Variants in OR56A1 observed in about 807,000 individuals in gnomAD.
OR56A1 encodes olfactory receptor family 56 subfamily A member 1, also known as olfactory receptor 56A1.
For synonymous variants in OR56A1, 174 were observed against 159.1 expected (o/e 1.09, Z -0.70); for missense variants, 360 against 380.9 (o/e 0.94, Z 0.46).
rs150942884 is a variant in OR56A1 at position 6,027,320 on chromosome 11, G to C, written c.373C>G (p.Arg125Gly). Reference sequence around the variant, plus strand: ...AGTGGGTGGCAGATGGCCACATAACGGTCATAGGCCATGACCATAAACGTG... The same window carrying C: ...AGTGGGTGGCAGATGGCCACATAACCGTCATAGGCCATGACCATAAACGTG... ...SCTFMVMAYD[R>G]YVAICHPLRY... Residue 125 changes from arginine to glycine, a missense_variant, in exon 2 of 2, where the codon CGT (arginine) becomes GGT (glycine). Physicochemically the swap from Arg to Gly is moderately radical, Grantham distance 125. Coordinates refer to ENST00000641900, the MANE Select transcript of OR56A1 (RefSeq NM_001388488.1). 6.2e-7 allele frequency: 1 copy of C among 1,614,220 alleles called. No individual in the cohort carries two copies. Among genetic ancestry groups the C allele is most frequent in the South Asian group, 1.1e-5 (1 of 91,082 alleles).
Position 6,026,786 on chromosome 11 carries a change from T to G in OR56A1, c.907A>C (p.Lys303Gln). 1 of 1,609,864 alleles carries G rather than the reference T, an allele frequency of 6.2e-7. No homozygotes were observed. The highest frequency in any genetic ancestry group is 8.5e-7 in the Non-Finnish European group (1 of 1,178,062). ...TGCAGTAACTTCTGAATTCCCTGTT[T>G]TATCTCTTTGGTCCGAACCCCATAC... ...IVYGVRTKEI[K>Q]QGIQKLLQRG... is the part of the protein sequence containing the mutation. The change falls in exon 2 of 2, where the codon AAA becomes CAA. Residue 303 changes from lysine to glutamine, a missense_variant. Coordinates refer to ENST00000641900, the MANE Select transcript of OR56A1 (RefSeq NM_001388488.1).
At chr11:6,031,038 A>T (rs957335074), upstream of OR56A1, among the ~76,000 whole-genome samples, 1 of 152,224 alleles carries the variant, frequency 6.6e-6, no homozygotes, top group Non-Finnish European at 1.5e-5. Flanking sequence ...AGAGGAAAAG[A>T]GAAGCTTTCC....
In OR56A1 at chr11:6,022,456, C is replaced by T. The variant is rs1848406729; in HGVS notation, c.*4292G>A. 6.6e-6 allele frequency: 1 copy of T among 152,092 alleles called. No individual in the cohort carries two copies. Among genetic ancestry groups the T allele is most frequent in the African/African-American group, 2.4e-5 (1 of 41,430 alleles). 9.4% of individuals were successfully genotyped at this position (152,092 alleles called of 1,614,324 possible). A position where few individuals can be genotyped will look rare whatever the true frequency, so the allele number is the denominator to read the frequency against. ...GTGCTATCATTGTTACAGTAGCTAA[C>T]TTTAATTGCATTGACTAATTCAATG... On this transcript the variant is annotated 3_prime_UTR_variant, in exon 2 of 2. Transcript: ENST00000641900.
Position 6,023,125 on chromosome 11 carries a change from T to G in OR56A1, c.*3623A>C, listed in dbSNP as rs1848413760. 2 of 152,204 alleles carry G rather than the reference T, an allele frequency of 1.3e-5. No homozygotes were observed. The highest frequency in any genetic ancestry group is 2.9e-5 in the Non-Finnish European group (2 of 68,036). The allele number at this position is 152,204 out of a possible 1,614,324, so 9.4% of individuals were successfully genotyped here. A position where few individuals can be genotyped will look rare whatever the true frequency, so the allele number is the denominator to read the frequency against. On this transcript the variant is annotated 3_prime_UTR_variant, in exon 2 of 2. Coordinates refer to ENST00000641900, the MANE Select transcript of OR56A1 (RefSeq NM_001388488.1). Reference sequence around the variant, plus strand: ...CTTTCAAACACCTGAGACTGAGAACTGGCATTCAATACAGTACCGTTATTC... The same window carrying G: ...CTTTCAAACACCTGAGACTGAGAACGGGCATTCAATACAGTACCGTTATTC...
Position 6,027,312 on chromosome 11 carries a change from C to A in OR56A1, c.381G>T (p.Val127=), listed in dbSNP as rs142504414. ...TFMVMAYDRY[V]AICHPLRYPS... ...GGTACCGCAGTGGGTGGCAGATGGC[C>A]ACATAACGGTCATAGGCCATGACCA... The change falls in exon 2 of 2, where the codon GTG becomes GTT. Residue 127 remains valine, a synonymous_variant. Coordinates refer to ENST00000641900, the MANE Select transcript of OR56A1 (RefSeq NM_001388488.1). The A allele has an allele frequency of 6.2e-7, 1 of 1,614,058 alleles. No homozygotes were observed. The highest frequency in any genetic ancestry group is 1.3e-5 in the African/African-American group (1 of 74,898).
At chr11:6,032,099 A>G (rs1025512935), upstream of OR56A1, among the ~76,000 whole-genome samples, 1 of 152,144 alleles carries the variant, frequency 6.6e-6, no homozygotes, top group Non-Finnish European at 1.5e-5. Context: ...TAACCTGGCC[A>G]AGAGAGATTC....
At chr11:6,032,079 G>T (rs1320160600), upstream of OR56A1, among the ~76,000 whole-genome samples, 1 of 152,116 alleles carries the variant, frequency 6.6e-6, no homozygotes, top group Non-Finnish European at 1.5e-5. Context: ...TAATAAGGGT[G>T]TGTCATTGGT....
In OR56A1 at chr11:6,025,897, A is replaced by C. The variant is rs565253446; in HGVS notation, c.*851T>G. 6.6e-6 allele frequency: 1 copy of C among 152,270 alleles called. No homozygotes were observed. Among genetic ancestry groups the C allele is most frequent in the South Asian group, 2.1e-4 (1 of 4,822 alleles). 9.4% of individuals were successfully genotyped at this position (152,270 alleles called of 1,614,324 possible). A position where few individuals can be genotyped will look rare whatever the true frequency, so the allele number is the denominator to read the frequency against. On this transcript the variant is annotated 3_prime_UTR_variant, in exon 2 of 2. Transcript: ENST00000641900. The stretch of plus-strand genomic sequence containing the variant: ...GTAAGGTTTTTTTTCACCTAACTGG[A>C]ACCATTATTATCCAGAAACCTGACA...
upstream of OR56A1, among the ~76,000 whole-genome samples, chr11:6,032,474 C>T (rs1017699666): frequency 1.6e-4 from 25 of 152,194 alleles, no homozygotes; most frequent in Admixed American, 1.4e-3. Flanking sequence ...CATTCTCTAA[C>T]ACCCCATAGA....
chr11:6,027,375 G>A lies in OR56A1; in HGVS notation c.318C>T (p.Ile106=). The A allele has an allele frequency of 1.2e-6, 2 of 1,614,200 alleles. No homozygotes were observed. The highest frequency in any genetic ancestry group is 8.5e-7 in the Non-Finnish European group (1 of 1,180,028). The change falls in exon 2 of 2, where the codon ATC becomes ATT. Residue 106 remains isoleucine (I), a synonymous_variant. Transcript: ENST00000641900. ...SFPACFLQMF[I]MNSFLPMESC... ...ACTCCATGGGGAGGAAACTGTTCAT[G>A]ATGAACATCTGGAGGAAGCAGGCAG...
chr11:6,027,377 T>G lies in OR56A1; in HGVS notation c.316A>C (p.Ile106Leu). ...TCCATGGGGAGGAAACTGTTCATGA[T>G]GAACATCTGGAGGAAGCAGGCAGGG... is the stretch of plus-strand genomic sequence containing the variant. ...SFPACFLQMF[I>L]MNSFLPMESC... The change falls in exon 2 of 2, where the codon ATC (isoleucine) becomes CTC (leucine). Residue 106 changes from isoleucine to leucine, a missense_variant. Coordinates refer to ENST00000641900, the MANE Select transcript of OR56A1 (RefSeq NM_001388488.1). 1 of 1,614,184 alleles carries G rather than the reference T, an allele frequency of 6.2e-7. No homozygotes were observed. The highest frequency in any genetic ancestry group is 8.5e-7 in the Non-Finnish European group (1 of 1,180,028).
rs1848409049 is a variant in OR56A1, at chr11:6,022,682, T to G, written c.*4066A>C. On this transcript the variant is annotated 3_prime_UTR_variant, in exon 2 of 2. Coordinates refer to ENST00000641900, the MANE Select transcript of OR56A1 (RefSeq NM_001388488.1). ...TCCCTATTGATTAAATGACTATGTA[T>G]AATTTATCATTTTGCTCAGTTGCCT... The G allele has an allele frequency of 6.6e-6, 1 of 152,174 alleles. No homozygotes were observed. Among genetic ancestry groups the G allele is most frequent in the East Asian group, 1.9e-4 (1 of 5,194 alleles). The allele number at this position is 152,174 out of a possible 1,614,324, so 9.4% of individuals were successfully genotyped here.
At position 6,022,270 on chromosome 11, in the gene OR56A1, A is replaced by C. The variant is rs1360441458; in HGVS notation, c.*4478T>G. 6.6e-6 allele frequency: 1 copy of C among 152,104 alleles called. No individual in the cohort carries two copies. The highest frequency in any genetic ancestry group is 2.4e-5 in the African/African-American group (1 of 41,438). The allele number at this position is 152,104 out of a possible 1,614,324, so 9.4% of individuals were successfully genotyped here. A position where few individuals can be genotyped will look rare whatever the true frequency, so the allele number is the denominator to read the frequency against. ...ATATTCTTTCTCTTTCTGGCTTGCC[A>C]CCCAGATTCAGAAGCACCAGTGAAG... is the stretch of plus-strand genomic sequence containing the variant. On this transcript the variant is annotated 3_prime_UTR_variant, in exon 2 of 2. Coordinates refer to ENST00000641900, the MANE Select transcript of OR56A1 (RefSeq NM_001388488.1).
At position 6,027,479 on chromosome 11, in the gene OR56A1, G is replaced by A; in HGVS notation, c.214C>T (p.Leu72=). 1.2e-6 allele frequency: 2 copies of A among 1,614,188 alleles called. No homozygotes were observed. The highest frequency in any genetic ancestry group is 1.7e-6 in the Non-Finnish European group (2 of 1,180,034). Reference sequence around the variant, plus strand: ...ACGGTGAGGCAGAGCACGATGTCCAGCAGGGAGAGGAGGCTGAGCAGGTAG... The same window carrying A: ...ACGGTGAGGCAGAGCACGATGTCCAACAGGGAGAGGAGGCTGAGCAGGTAG... ...LYYLLSLLSL[L]DIVLCLTVIP... Residue 72 remains leucine, a synonymous_variant, in exon 2 of 2, where the codon CTG becomes TTG. Coordinates refer to ENST00000641900, the MANE Select transcript of OR56A1 (RefSeq NM_001388488.1).
chr11:6,027,125 G>A lies in OR56A1; in HGVS notation c.568C>T (p.Leu190Phe), dbSNP rs757386716. The change falls in exon 2 of 2, where the codon CTC becomes TTC. Residue 190 changes from leucine (L) to phenylalanine (F), a missense_variant. Coordinates refer to ENST00000641900, the MANE Select transcript of OR56A1 (RefSeq NM_001388488.1). ...CICANLSVSR[L>F]SCDNFTLNRI... ...TTAAGGGTGAAATTATCACAGGAGA[G>A]CCTGGACACAGACAAGTTGGCACAG... The A allele has an allele frequency of 6.2e-7, 1 of 1,614,138 alleles. No individual in the cohort carries two copies. The highest frequency in any genetic ancestry group is 1.1e-5 in the South Asian group (1 of 91,080).
chr11:6,032,661 C>T (rs1848523889), upstream of OR56A1, among the ~76,000 whole-genome samples: 1 of 151,994 alleles, frequency 6.6e-6, no homozygotes, highest in South Asian at 2.1e-4. Flanking sequence ...GTCTGGTGGA[C>T]TAGAGGGAAG....
intron 1 of OR56A1, among the ~76,000 whole-genome samples, chr11:6,028,727 A>G (rs1185557045): frequency 6.6e-6 from 1 of 152,208 alleles, no homozygotes; most frequent in Non-Finnish European, 1.5e-5. Context: ...AACAGTATGG[A>G]AATTCCTGAA....
At chr11:6,030,569 A>G (rs1379468809) in intron 1 of OR56A1, 133 bp downstream of exon 1, 1 of 152,174 alleles carries the variant, frequency 6.6e-6, no homozygotes, top group Non-Finnish European at 1.5e-5. Context: ...TTCCAGTTCC[A>G]TCTAACACCC....
Position 6,021,475 on chromosome 11 carries a change from C to G in OR56A1, c.*5273G>C, listed in dbSNP as rs990131626. On this transcript the variant is annotated 3_prime_UTR_variant, in exon 2 of 2. Transcript: ENST00000641900. ...TAATTACCCTGATCTGCTCACTACACGTTGTATGTAACTTCATAAATATGT... is the reference window on the plus strand; with the variant it reads ...TAATTACCCTGATCTGCTCACTACAGGTTGTATGTAACTTCATAAATATGT... 3 of 152,014 alleles carry G rather than the reference C, an allele frequency of 2.0e-5. No homozygotes were observed. The highest frequency in any genetic ancestry group is 3.9e-4 in the East Asian group (2 of 5,172). 9.4% of individuals were successfully genotyped at this position (152,014 alleles called of 1,614,324 possible). A position where few individuals can be genotyped will look rare whatever the true frequency, so the allele number is the denominator to read the frequency against.
Sources: gnomAD v4.1 joint callset for allele counts (sites outside exome capture counted in the v4.1 genomes callset) on GRCh38, gnomAD v4.1.1 for gene constraint, MANE v1.5 for transcripts, NCBI Gene and HGNC (gene_info 2026-07-23, HGNC 2026-07-21) for gene names.